The following NBEA variants were observed in gnomAD, a reference collection of about 807,000 sequenced individuals.
NBEA encodes the protein lysosomal-trafficking regulator 2.
In NBEA, 44 loss-of-function variants were observed where a neutral mutation model predicts 343.4. That is an observed-to-expected ratio of 0.13 (90% CI 0.10 to 0.16). The LOEUF (loss-of-function observed/expected upper bound fraction) is 0.16. NBEA is among the 10% of genes least tolerant of loss of function. The pLI is 1.00. For missense variants in NBEA, 2,555 were observed against 3,631.3 expected (o/e 0.70, Z 7.62); for synonymous variants, 1,175 against 1,238.7 (o/e 0.95, Z 1.08).
intron 14 of NBEA, 94 bp from the exon 15 acceptor site, chr13:35,118,134 T>A (rs1250494367): frequency 2.5e-6 from 2 of 805,932 alleles, no homozygotes; most frequent in African/African-American, 3.5e-5. Flanking sequence ...TTAAACTAAC[T>A]CTTATTTTCT....
chr13:35,234,526 G>A (rs1469780029), intron 34 of NBEA, among the ~76,000 whole-genome samples: 4 of 152,080 alleles, frequency 2.6e-5, no homozygotes, highest in Admixed American at 6.6e-5. Context: ...AAATTAAATA[G>A]GATATGTGCT....
At chr13:35,140,909 G>C (rs1303141481) in intron 17 of NBEA, among the ~76,000 whole-genome samples, 1 of 152,160 alleles carries the variant, frequency 6.6e-6, no homozygotes, top group Non-Finnish European at 1.5e-5. Context: ...TAGAGACCCA[G>C]GCAGCTTCTC....
intron 35 of NBEA, among the ~76,000 whole-genome samples, chr13:35,293,022 A>G (rs1050753411): frequency 2.6e-5 from 4 of 151,848 alleles, no homozygotes; most frequent in Admixed American, 6.6e-5. Flanking sequence ...TCTCATTTTC[A>G]TTTTGGAAAT....
At chr13:34,948,544 T>C (rs994343116) in intron 1 of NBEA, among the ~76,000 whole-genome samples, 1 of 152,208 alleles carries the variant, frequency 6.6e-6, no homozygotes, top group Non-Finnish European at 1.5e-5. Flanking sequence ...ACTATTGTTA[T>C]TTATTTCAAA....
chr13:35,322,353 A>G (rs1242662456), intron 36 of NBEA, among the ~76,000 whole-genome samples: 1 of 152,072 alleles, frequency 6.6e-6, no homozygotes, highest in African/African-American at 2.4e-5. Flanking sequence ...TAGGGTAGGG[A>G]GTTCCCTGAC....
At chr13:35,137,231 C>A (rs2067786674) in intron 17 of NBEA, among the ~76,000 whole-genome samples, 1 of 151,970 alleles carries the variant, frequency 6.6e-6, no homozygotes, top group East Asian at 1.9e-4. Context: ...TGGGTGGATC[C>A]CTTGGTCAGG....
chr13:35,588,995 T>A (rs573085271), intron 46 of NBEA, among the ~76,000 whole-genome samples: 1 of 152,280 alleles, frequency 6.6e-6, no homozygotes, highest in East Asian at 1.9e-4. Flanking sequence ...AAAGTATATA[T>A]GTATAGTAGA....
At chr13:35,152,729 A>G (rs773918396) in intron 18 of NBEA, among the ~76,000 whole-genome samples, 3 of 152,122 alleles carry the variant, frequency 2.0e-5, no homozygotes, top group Non-Finnish European at 2.9e-5. Context: ...CTCCCTGTCG[A>G]TTACCTGTAT....
intron 1 of NBEA, among the ~76,000 whole-genome samples, chr13:34,995,356 C>A (rs1475952611): frequency 6.6e-6 from 1 of 150,568 alleles, no homozygotes; most frequent in African/African-American, 2.4e-5. Context: ...ACTGAGGAGG[C>A]TGAGGCAGGA....
chr13:35,589,407 T>C (rs1387125541), intron 46 of NBEA, among the ~76,000 whole-genome samples: 2 of 152,136 alleles, frequency 1.3e-5, no homozygotes, highest in Admixed American at 1.3e-4. Flanking sequence ...GAAAAATGCT[T>C]TGTAGCTGTT....
At chr13:35,384,468 C>A (rs927537000) in intron 38 of NBEA, among the ~76,000 whole-genome samples, 4 of 149,662 alleles carry the variant, frequency 2.7e-5, no homozygotes, top group African/African-American at 9.8e-5. Flanking sequence ...TTAGGCTTTT[C>A]TACAAAGCAG....
rs2069390221 is a variant in NBEA at position 35,159,265 on chromosome 13, A to G, written c.3094A>G (p.Lys1032Glu). The G allele has an allele frequency of 1.2e-6, 2 of 1,613,608 alleles. No homozygotes were observed. The highest frequency in any genetic ancestry group is 2.2e-5 in the East Asian group (1 of 44,850). The change falls in exon 22 of 59, where the codon AAA (lysine) becomes GAA (glutamate). Residue 1032 changes from lysine to glutamate, a missense_variant. By Grantham distance (56) the Lys-to-Glu change is moderately conservative. This residue lies in a region of NBEA where 367 missense variants were observed against 377.5 expected (regional missense o/e 0.97). Transcript: ENST00000379939. Reference protein sequence around the residue: ...TDTRDLLMSTKVSDDILGNSD... With the variant: ...TDTRDLLMSTEVSDDILGNSD... ...TACTCGAGACTTACTCATGTCAACA[A>G]AAGTGTCAGATGATATTCTTGGAAA...
chr13:35,477,952 T>G (rs2075950658), intron 41 of NBEA, among the ~76,000 whole-genome samples: 1 of 152,196 alleles, frequency 6.6e-6, no homozygotes, highest in Non-Finnish European at 1.5e-5. Context: ...AAATACTACT[T>G]AGTGGTTACG....
At chr13:35,474,472 AGATAAAAGTACCAG>A (rs1229102912) in intron 41 of NBEA, 2 of 152,732 alleles carry the variant, frequency 1.3e-5, no homozygotes, top group Non-Finnish European at 2.9e-5. Flanking sequence ...TTTCAAAGAC[AGATAAAAGTACCAG>A]GAAGAAATCT....
chr13:34,976,464 G>A (rs932745441), intron 1 of NBEA, among the ~76,000 whole-genome samples: 3 of 152,162 alleles, frequency 2.0e-5, no homozygotes, highest in Admixed American at 6.5e-5. Context: ...TGCACATGGG[G>A]TACAGTGTAC....
intron 38 of NBEA, among the ~76,000 whole-genome samples, chr13:35,390,120 A>G (rs1162862282): frequency 3.3e-5 from 5 of 151,898 alleles, no homozygotes; most frequent in African/African-American, 7.3e-5. Context: ...GGCATATTAG[A>G]TGAGTCCATT....
chr13:35,279,602 A>G (rs373505849), intron 34 of NBEA, among the ~76,000 whole-genome samples: 8 of 152,210 alleles, frequency 5.3e-5, no homozygotes, highest in East Asian at 3.8e-4. Flanking sequence ...AAACAATACA[A>G]TGAATTAGAA....
At chr13:35,408,287 C>G (rs2043386590) in intron 38 of NBEA, among the ~76,000 whole-genome samples, 1 of 152,098 alleles carries the variant, frequency 6.6e-6, no homozygotes, top group Admixed American at 6.6e-5. Flanking sequence ...AAATTTAGTG[C>G]TAAGATAAGT....
chr13:35,440,029 G>A (rs577429710), intron 39 of NBEA, among the ~76,000 whole-genome samples: 6 of 152,194 alleles, frequency 3.9e-5, no homozygotes, highest in East Asian at 3.9e-4. Context: ...ACAGGCATGC[G>A]CCACCACGCG....
Sources: allele counts gnomAD v4.1 joint callset (sites outside exome capture counted in the v4.1 genomes callset), GRCh38; gene constraint gnomAD v4.1.1; regional missense constraint gnomAD v4.1.1; transcripts MANE v1.5; gene names NCBI Gene and HGNC (gene_info 2026-07-23, HGNC 2026-07-21).